Variants in CAPN14 observed in about 807,000 individuals in gnomAD.
CAPN14 encodes the protein calpain-14.
CAPN14 carries 94 observed loss-of-function variants against 101.3 expected under a neutral mutation model. The ratio of observed to expected loss-of-function variants is 0.93; its 90% CI spans 0.79 to 1.10. The LOEUF is 1.10. Among genes scored for constraint, CAPN14 ranks in the 50% least tolerant of loss-of-function variants. CAPN14 has a pLI of 0.00. For synonymous variants in CAPN14, 338 were observed against 317.9 expected (o/e 1.06, Z -0.67); for missense variants, 837 against 828.4 (o/e 1.01, Z -0.13).
chr2:31,225,096 A>C (rs1232704409), intron 2 of CAPN14, among the ~76,000 whole-genome samples: 1 of 152,110 alleles, frequency 6.6e-6, no homozygotes, highest in African/African-American at 2.4e-5. Flanking sequence ...TTACTGTAAA[A>C]ATTAAAAACT....
chr2:31,191,288 A>G, intron 12 of CAPN14, 111 bp downstream of exon 12: 1 of 1,059,112 alleles, frequency 9.4e-7, no homozygotes, highest in Non-Finnish European at 1.4e-6. Flanking sequence ...TGGCATTATC[A>G]TAGCTTCTTA....
At chr2:31,188,231 C>T in intron 14 of CAPN14, 87 bp downstream of exon 14, 1 of 1,167,600 alleles carries the variant, frequency 8.6e-7, no homozygotes, top group Non-Finnish European at 1.3e-6. Context: ...ATATCTCCTC[C>T]CCTGACTCCT....
chr2:31,212,302 C>T (rs920230914), intron 1 of CAPN14, among the ~76,000 whole-genome samples: 57 of 134,186 alleles, frequency 4.2e-4, no homozygotes, highest in Non-Finnish European at 5.4e-4. Context: ...AGAATAAGAC[C>T]GTCTCAAAAC....
chr2:31,210,287 C>CA (rs571673533), intron 1 of CAPN14, among the ~76,000 whole-genome samples: 58 of 145,664 alleles, frequency 4.0e-4, no homozygotes, highest in Middle Eastern at 3.5e-3. Context: ...ACTAAAAATG[C>CA]AAAAAAAAAA....
intron 2 of CAPN14, among the ~76,000 whole-genome samples, chr2:31,204,826 G>A (rs1681986452): frequency 6.6e-6 from 1 of 152,126 alleles, no homozygotes; most frequent in Admixed American, 6.5e-5. Flanking sequence ...AGCCTCTCTA[G>A]CAAATTAATC....
intron 16 of CAPN14, among the ~76,000 whole-genome samples, chr2:31,182,154 T>C (rs1680678036): frequency 6.6e-6 from 1 of 151,992 alleles, no homozygotes. Flanking sequence ...CTAAAAACTC[T>C]CAATAAATTA....
rs527349795 is a variant in CAPN14, at chr2:31,201,739, G to A, written c.551+123C>T. On this transcript the variant is annotated intron_variant, in intron 5 of 21. Coordinates refer to ENST00000403897, the MANE Select transcript of CAPN14 (RefSeq NM_001145122.2). ...AGACTGAATACGTTGTCACTTCTATGTTGGCTAAGACATGCCTCAGGATCT... is the reference window on the plus strand; with the variant it reads ...AGACTGAATACGTTGTCACTTCTATATTGGCTAAGACATGCCTCAGGATCT... 2.4e-6 allele frequency: 3 copies of A among 1,266,232 alleles called. No individual in the cohort carries two copies. The East Asian group carries it at 7.7e-5, about 32-fold the overall frequency. The allele number at this position is 1,266,232 out of a possible 1,614,324, so 78.4% of individuals were successfully genotyped here.
At chr2:31,189,701 G>A (rs577531891) in intron 12 of CAPN14, 74 of 647,530 alleles carry the variant, frequency 1.1e-4, no homozygotes, top group Non-Finnish European at 1.8e-4. Flanking sequence ...ACATAAACAC[G>A]TGTCATTTGA....
intron 1 of CAPN14, among the ~76,000 whole-genome samples, chr2:31,227,214 C>T (rs1269614959): frequency 6.6e-6 from 1 of 152,148 alleles, no homozygotes; most frequent in African/African-American, 2.4e-5. Context: ...GGCTTTCCTC[C>T]GTGTAATATT....
chr2:31,193,213 C>A lies in CAPN14; in HGVS notation c.1032G>T (p.Ala344=). 10 of 1,551,694 alleles carry A rather than the reference C, an allele frequency of 6.4e-6. No homozygotes were observed. Among genetic ancestry groups the A allele is most frequent in the Non-Finnish European group, 8.7e-6 (10 of 1,147,012 alleles). ...GCATGGTGTACGTCCACTTCTGGGCCGCCTCCTGGCTCAACAGGCCTGGGG... is the reference window on the plus strand; with the variant it reads ...GCATGGTGTACGTCCACTTCTGGGCAGCCTCCTGGCTCAACAGGCCTGGGG... ...KLTPGLLSQE[A]AQKWTYTMRE... Residue 344 remains alanine (A), a synonymous_variant, in exon 10 of 22, where the codon GCG becomes GCT. Transcript: ENST00000403897.
intron 1 of CAPN14, among the ~76,000 whole-genome samples, chr2:31,208,899 G>A (rs1462667919): frequency 6.6e-6 from 1 of 152,138 alleles, no homozygotes; most frequent in African/African-American, 2.4e-5. Context: ...CATCCTCCAT[G>A]GGCCTCAGAG....
intron 11 of CAPN14, 45 bp downstream of exon 11, chr2:31,191,890 C>A (rs529744327): frequency 7.4e-6 from 11 of 1,480,396 alleles, no homozygotes; most frequent in Non-Finnish European, 1.0e-5. Context: ...TGTTGGTGAC[C>A]CCCACGCTTG....
intron 16 of CAPN14, 114 bp from the exon 17 acceptor site, chr2:31,181,114 G>T: frequency 1.3e-6 from 1 of 777,636 alleles, no homozygotes; most frequent in Non-Finnish European, 2.2e-6. Flanking sequence ...ATGTATGTAC[G>T]TGGGCTGGGA....
Position 31,201,859 on chromosome 2 carries a change from T to C in CAPN14, c.551+3A>G. The C allele has an allele frequency of 6.4e-7, 1 of 1,550,398 alleles. No individual in the cohort carries two copies. Among genetic ancestry groups the C allele is most frequent in the Non-Finnish European group, 8.7e-7 (1 of 1,145,884 alleles). ...AAGGGGGATATTTCTGCCGGTTTCT[T>C]ACTTGGCATAGGCCTTTTCCAGAAG... On this transcript the variant is annotated splice_donor_region_variant and intron_variant, in intron 5 of 21. Coordinates refer to ENST00000403897, the MANE Select transcript of CAPN14 (RefSeq NM_001145122.2).
At chr2:31,205,536 C>T in intron 1 of CAPN14, 37 bp from the exon 2 acceptor site, 3 of 1,069,976 alleles carry the variant, frequency 2.8e-6, no homozygotes, top group South Asian at 2.8e-5. Flanking sequence ...TCCTCACTTC[C>T]TCCTTGTGCT....
intron 1 of CAPN14, among the ~76,000 whole-genome samples, chr2:31,209,779 G>C (rs1682294333): frequency 6.6e-6 from 1 of 152,128 alleles, no homozygotes; most frequent in Non-Finnish European, 1.5e-5. Flanking sequence ...TCTCAAGTCT[G>C]TATTCCATCA....
rs1269421172 is a variant in CAPN14 at position 31,189,472 on chromosome 2, C to G, written c.1294G>C (p.Asp432His). Residue 432 changes from aspartate to histidine, a missense_variant, in exon 13 of 22, where the codon GAT becomes CAT. By Grantham distance (81) the Asp-to-His change is moderately conservative. Transcript: ENST00000403897. The part of the protein sequence containing the change: ...FYLYRMNKYH[D>H]DQRRLPPEFF... The stretch of plus-strand genomic sequence containing the variant: ...TCAGGGGGCAGTCTCCTCTGGTCAT[C>G]ATGGTACTGTGGGTAGAGGACAGAA... 4 of 1,551,104 alleles carry G rather than the reference C, an allele frequency of 2.6e-6. No homozygotes were observed. Among genetic ancestry groups the G allele is most frequent in the Non-Finnish European group, 2.6e-6 (3 of 1,146,722 alleles).
intron 12 of CAPN14, among the ~76,000 whole-genome samples, chr2:31,190,153 C>G (rs1681108143): frequency 6.6e-6 from 1 of 151,666 alleles, no homozygotes; most frequent in Non-Finnish European, 1.5e-5. Context: ...CTCTCTCTCT[C>G]TCTCTCTCTC....
chr2:31,189,853 G>A (rs548146872), intron 12 of CAPN14, among the ~76,000 whole-genome samples: 37 of 152,242 alleles, frequency 2.4e-4, no homozygotes, highest in Non-Finnish European at 3.5e-4. Context: ...GTCCCAGCCC[G>A]ATGGGAATTA....
Sources: allele counts gnomAD v4.1 joint callset (sites outside exome capture counted in the v4.1 genomes callset), GRCh38; gene constraint gnomAD v4.1.1; transcripts MANE v1.5; gene names NCBI Gene and HGNC (gene_info 2026-07-23, HGNC 2026-07-21).